Variants in UBE2J1 observed in about 807,000 individuals in gnomAD.
The protein encoded by UBE2J1 is ubiquitin-conjugating enzyme E2 J1.
Under a neutral mutation model 42.1 loss-of-function variants are expected in UBE2J1, and 17 were observed. The observed-to-expected ratio is 0.40, with a 90% CI of 0.28 to 0.61. UBE2J1 has a LOEUF of 0.61. Ranked by LOEUF, UBE2J1 falls within the 20% of genes least tolerant of loss-of-function variation. UBE2J1 has a pLI of 0.38. For synonymous variants in UBE2J1, 127 were observed against 137.2 expected, an observed-to-expected ratio of 0.93 and a Z score of 0.52; for missense variants, 291 against 389.4, an observed-to-expected ratio of 0.75 and a Z score of 2.13.
chr6:89,330,572 C>T (rs1437949428), intron 7 of UBE2J1, among the ~76,000 whole-genome samples: 1 of 152,070 alleles, frequency 6.6e-6, no homozygotes, highest in Non-Finnish European at 1.5e-5. Context: ...GGCAGGAGGA[C>T]TGCTTGAGCC....
intron 4 of UBE2J1, 68 bp downstream of exon 4, chr6:89,338,391 T>A: frequency 6.4e-7 from 1 of 1,565,286 alleles, no homozygotes; most frequent in East Asian, 2.2e-5. Context: ...AAAATCAGAG[T>A]ATTATACTTC....
intron 1 of UBE2J1, among the ~76,000 whole-genome samples, chr6:89,348,267 AT>A (rs1338260332): frequency 1.3e-5 from 2 of 152,188 alleles, no homozygotes; most frequent in East Asian, 3.8e-4. Flanking sequence ...CTTCTTTCTT[AT>A]AGAGGCCACA....
At chr6:89,349,824 T>C (rs1006676179) in intron 1 of UBE2J1, among the ~76,000 whole-genome samples, 7 of 152,142 alleles carry the variant, frequency 4.6e-5, no homozygotes, top group Non-Finnish European at 1.0e-4. Context: ...CACCAGTCTC[T>C]TATACTCCCA....
chr6:89,333,301 T>C (rs1768045267), intron 6 of UBE2J1, 96 bp from the exon 7 acceptor site: 1 of 1,360,572 alleles, frequency 7.3e-7, no homozygotes, highest in Non-Finnish European at 9.9e-7. Flanking sequence ...GTTGGATTTA[T>C]TTTAATTGCT....
intron 6 of UBE2J1, among the ~76,000 whole-genome samples, chr6:89,334,762 C>T (rs910059257): frequency 6.6e-6 from 1 of 152,152 alleles, no homozygotes; most frequent in Admixed American, 6.5e-5. Context: ...GCCACCGCGC[C>T]CGGCCATCAT....
chr6:89,338,104 C>G (rs999398893), intron 5 of UBE2J1, 101 bp downstream of exon 5: 4 of 737,276 alleles, frequency 5.4e-6, no homozygotes, highest in African/African-American at 1.8e-5. Flanking sequence ...GCTACAGTCA[C>G]TCAGAAAATA....
intron 1 of UBE2J1, among the ~76,000 whole-genome samples, chr6:89,348,297 G>A (rs1768400422): frequency 6.6e-6 from 1 of 152,196 alleles, no homozygotes; most frequent in Non-Finnish European, 1.5e-5. Flanking sequence ...CTGGAGCCAT[G>A]CTCTAGGTGC....
chr6:89,333,657 C>G (rs183089046), intron 6 of UBE2J1, among the ~76,000 whole-genome samples: 3 of 152,174 alleles, frequency 2.0e-5, no homozygotes, highest in Non-Finnish European at 4.4e-5. Flanking sequence ...CCAGATCGCA[C>G]GGCAGGTTAG....
At chr6:89,339,407 GTGACAGTGTGAGACCC>G (rs1288934657) in intron 3 of UBE2J1, among the ~76,000 whole-genome samples, 1 of 119,718 alleles carries the variant, frequency 8.4e-6, no homozygotes, top group East Asian at 2.3e-4. Flanking sequence ...GCCAGCCTGG[GTGACAGTGTGAGACCC>G]TGTCCCCAAG....
intron 1 of UBE2J1, among the ~76,000 whole-genome samples, chr6:89,351,269 A>G (rs1219188383): frequency 6.6e-6 from 1 of 150,602 alleles, no homozygotes; most frequent in Non-Finnish European, 1.5e-5. Context: ...TTTAGTAGAG[A>G]CGGGGTTTCA....
intron 1 of UBE2J1, among the ~76,000 whole-genome samples, chr6:89,348,292 G>A (rs1184659015): frequency 6.6e-6 from 1 of 152,190 alleles, no homozygotes; most frequent in African/African-American, 2.4e-5. Flanking sequence ...ACACTCTGGA[G>A]CCATGCTCTA....
rs1432035683 is a variant in UBE2J1, at chr6:89,328,684, C to CT, written c.*994dup. ...TCCACTGAAAATTCTTTCTTGGGCT[C>CT]TGACTAGGTGGACAATTCTAAGTAA... On this transcript the variant is annotated 3_prime_UTR_variant, in exon 8 of 8. Transcript: ENST00000435041. 1 of 152,178 alleles carries CT rather than the reference C, an allele frequency of 6.6e-6. No homozygotes were observed. The highest frequency in any genetic ancestry group is 6.5e-5 in the Admixed American group (1 of 15,270). 9.4% of individuals were successfully genotyped at this position (152,178 alleles called of 1,614,324 possible).
intron 7 of UBE2J1, among the ~76,000 whole-genome samples, chr6:89,332,065 C>G (rs1054047935): frequency 1.3e-5 from 2 of 152,184 alleles, no homozygotes; most frequent in African/African-American, 4.8e-5. Context: ...CCAGCTCACT[C>G]TCTGAATAGG....
intron 5 of UBE2J1, among the ~76,000 whole-genome samples, chr6:89,336,952 C>T (rs1768118608): frequency 6.6e-6 from 1 of 151,922 alleles, no homozygotes; most frequent in Non-Finnish European, 1.5e-5. Flanking sequence ...GCAATCCTTC[C>T]ACCTCAGTCT....
intron 3 of UBE2J1, 34 bp downstream of exon 3, chr6:89,342,290 A>T: frequency 6.2e-7 from 1 of 1,608,484 alleles, no homozygotes; most frequent in African/African-American, 1.3e-5. Flanking sequence ...GGAAGAGTGA[A>T]GCCACAAGCA....
intron 1 of UBE2J1, among the ~76,000 whole-genome samples, chr6:89,346,088 CCT>C (rs1562423471): frequency 1.3e-5 from 2 of 151,914 alleles, no homozygotes; most frequent in African/African-American, 4.8e-5. Context: ...CTGGGGTCCC[CCT>C]GTCTTGCCCA....
chr6:89,346,566 C>T (rs1216995218), intron 1 of UBE2J1, among the ~76,000 whole-genome samples: 1 of 152,166 alleles, frequency 6.6e-6, no homozygotes. Flanking sequence ...CTCCGCCTCA[C>T]CGTCTAGTCT....
In UBE2J1 at chr6:89,352,535, T is replaced by G. The variant is rs1265435755; in HGVS notation, c.31+4A>C. The stretch of plus-strand genomic sequence containing the variant: ...CCTCGCCCAGGGGCCCCAGCCCTGC[T>G]CACCCGGACTCTTCAGGTTGTAGCG... On this transcript the variant is annotated splice_donor_region_variant and intron_variant, in intron 1 of 7. Coordinates refer to ENST00000435041, the MANE Select transcript of UBE2J1 (RefSeq NM_016021.3). 1 of 1,569,864 alleles carries G rather than the reference T, an allele frequency of 6.4e-7. No homozygotes were observed. Among genetic ancestry groups the G allele is most frequent in the South Asian group, 1.1e-5 (1 of 87,244 alleles).
At chr6:89,349,362 GC>G (rs1768422124) in intron 1 of UBE2J1, among the ~76,000 whole-genome samples, 1 of 152,192 alleles carries the variant, frequency 6.6e-6, no homozygotes, top group Non-Finnish European at 1.5e-5. Flanking sequence ...CTATCAGAAA[GC>G]TACTGAAAAT....
Sources: allele counts gnomAD v4.1 joint callset (sites outside exome capture counted in the v4.1 genomes callset), GRCh38; gene constraint gnomAD v4.1.1; transcripts MANE v1.5; gene names NCBI Gene and HGNC (gene_info 2026-07-23, HGNC 2026-07-21).